TBC1D22A: variants seen among roughly 807,000 people sequenced by gnomAD.
The protein encoded by TBC1D22A is TBC1 domain family member 22A.
Under a neutral mutation model 60.2 loss-of-function variants are expected in TBC1D22A, and 38 were observed. The observed-to-expected ratio is 0.63, with a 90% CI of 0.49 to 0.83. The LOEUF is 0.83. TBC1D22A is among the 40% of genes least tolerant of loss of function. TBC1D22A has a pLI of 0.00. For missense variants in TBC1D22A, 628 were observed against 701.0 expected (o/e 0.90, Z 1.18); for synonymous variants, 302 against 281.7 (o/e 1.07, Z -0.72).
chr22:47,067,487 T>C (rs1018595947), intron 11 of TBC1D22A, among the ~76,000 whole-genome samples: 2 of 152,220 alleles, frequency 1.3e-5, no homozygotes, highest in African/African-American at 2.4e-5. Context: ...GAGGTGGGCC[T>C]TCCACCCTTT....
intron 11 of TBC1D22A, among the ~76,000 whole-genome samples, chr22:47,095,841 G>A (rs569607163): frequency 3.3e-4 from 50 of 152,350 alleles, no homozygotes; most frequent in African/African-American, 1.2e-3. Flanking sequence ...GATGCTGAGC[G>A]GGTTGAGTCT....
intron 4 of TBC1D22A, among the ~76,000 whole-genome samples, chr22:46,859,296 C>T (rs74745994): frequency 3.5e-3 from 68 of 19,224 alleles, no homozygotes; most frequent in Admixed American, 6.3e-3. Context: ...CGCGCAGTGC[C>T]GTGCCCCTTC....
At chr22:46,790,698 G>T (rs887269246) in intron 1 of TBC1D22A, among the ~76,000 whole-genome samples, 6 of 152,140 alleles carry the variant, frequency 3.9e-5, no homozygotes, top group Admixed American at 6.5e-5. Context: ...GCACATAGCC[G>T]ACACGGAGAC....
At chr22:47,072,336 C>T (rs2052437764) in intron 11 of TBC1D22A, among the ~76,000 whole-genome samples, 1 of 152,222 alleles carries the variant, frequency 6.6e-6, no homozygotes, top group Non-Finnish European at 1.5e-5. Flanking sequence ...GCCTCATTCA[C>T]CATCTCTCCA....
chr22:47,164,103 C>T (rs773619565), intron 12 of TBC1D22A, among the ~76,000 whole-genome samples: 5 of 152,242 alleles, frequency 3.3e-5, no homozygotes, highest in African/African-American at 4.8e-5. Flanking sequence ...TCAGATGAGC[C>T]CGAGGCCTCC....
intron 9 of TBC1D22A, among the ~76,000 whole-genome samples, chr22:46,985,564 G>C (rs1602817987): frequency 6.6e-6 from 1 of 152,176 alleles, no homozygotes; most frequent in East Asian, 1.9e-4. Context: ...AAAACCCTAA[G>C]AATCCGTGTC....
intron 10 of TBC1D22A, among the ~76,000 whole-genome samples, chr22:47,011,260 G>A (rs1177434409): frequency 6.6e-6 from 1 of 152,140 alleles, no homozygotes; most frequent in African/African-American, 2.4e-5. Flanking sequence ...GCCTGTCTCT[G>A]CTCCAGGGTT....
intron 10 of TBC1D22A, among the ~76,000 whole-genome samples, chr22:47,016,907 G>A (rs1055064865): frequency 4.6e-5 from 7 of 152,244 alleles, no homozygotes; most frequent in Non-Finnish European, 8.8e-5. Context: ...TCTGGGGCCC[G>A]GCGAGCCTCC....
intron 4 of TBC1D22A, among the ~76,000 whole-genome samples, chr22:46,862,606 G>A (rs6007976): frequency 0.45 from 67,931 of 151,984 alleles, 15,635 homozygotes; most frequent in African/African-American, 0.56. Context: ...CGGGGCTGCG[G>A]GAATTGGCTG....
chr22:47,033,640 G>C (rs932083451), intron 10 of TBC1D22A, among the ~76,000 whole-genome samples: 12 of 152,202 alleles, frequency 7.9e-5, no homozygotes, highest in African/African-American at 2.9e-4. Context: ...ACGAAGAAGA[G>C]GGGGAGGCTC....
At chr22:47,011,276 G>T (rs1212646704) in intron 10 of TBC1D22A, among the ~76,000 whole-genome samples, 1 of 152,126 alleles carries the variant, frequency 6.6e-6, no homozygotes, top group Admixed American at 6.5e-5. Flanking sequence ...GGGTTTCCTT[G>T]GGAGCCGCAG....
intron 10 of TBC1D22A, 46 bp downstream of exon 10, chr22:46,997,755 T>G: frequency 6.3e-7 from 1 of 1,581,620 alleles, no homozygotes; most frequent in Non-Finnish European, 8.7e-7. Flanking sequence ...CGGGGGGAGG[T>G]GGCCCTCAGC....
chr22:46,765,064 T>C (rs1270685982), intron 1 of TBC1D22A, among the ~76,000 whole-genome samples: 1 of 152,250 alleles, frequency 6.6e-6, no homozygotes, highest in Non-Finnish European at 1.5e-5. Flanking sequence ...TTTGATGCTA[T>C]TCTGTGTCTT....
intron 11 of TBC1D22A, among the ~76,000 whole-genome samples, chr22:47,054,093 G>A (rs1198511276): frequency 6.6e-6 from 1 of 152,210 alleles, no homozygotes; most frequent in East Asian, 1.9e-4. Flanking sequence ...TCTCTGGGTA[G>A]CAGCCAGTGC....
chr22:46,949,859 T>A (rs1403388408), intron 8 of TBC1D22A, among the ~76,000 whole-genome samples: 5 of 151,888 alleles, frequency 3.3e-5, no homozygotes, highest in Admixed American at 3.3e-4. Context: ...GGCAAGTGAG[T>A]GCGGAGACTT....
intron 8 of TBC1D22A, among the ~76,000 whole-genome samples, chr22:46,935,735 C>G (rs1455699394): frequency 6.6e-6 from 1 of 152,218 alleles, no homozygotes; most frequent in African/African-American, 2.4e-5. Context: ...CTCAAAGATG[C>G]CCGTGTCTCT....
At chr22:47,087,654 A>T (rs181911812) in intron 11 of TBC1D22A, among the ~76,000 whole-genome samples, 5 of 152,386 alleles carry the variant, frequency 3.3e-5, no homozygotes, top group African/African-American at 9.6e-5. Context: ...ACATATATCT[A>T]TTAAGACAAA....
At chr22:46,809,637 A>G (rs560343670) in intron 4 of TBC1D22A, among the ~76,000 whole-genome samples, 10 of 152,186 alleles carry the variant, frequency 6.6e-5, no homozygotes, top group Non-Finnish European at 1.2e-4. Context: ...GGGGTGGCGC[A>G]TGTCAGGTCC....
chr22:46,788,324 A>G (rs1053289874), intron 1 of TBC1D22A, among the ~76,000 whole-genome samples: 2 of 152,206 alleles, frequency 1.3e-5, no homozygotes, highest in African/African-American at 4.8e-5. Context: ...TTGGGTTGCA[A>G]AGATTAAAGG....
Sources: gnomAD v4.1 joint callset for allele counts (sites outside exome capture counted in the v4.1 genomes callset) on GRCh38, gnomAD v4.1.1 for gene constraint, MANE v1.5 for transcripts, NCBI Gene and HGNC (gene_info 2026-07-23, HGNC 2026-07-21) for gene names.